GSE1: variants seen among roughly 807,000 people sequenced by gnomAD.
The protein encoded by GSE1 is Gse1 coiled-coil protein, also known as genetic suppressor element 1.
A neutral mutation model predicts 112.6 loss-of-function variants in GSE1; 32 were observed. The ratio of observed to expected loss-of-function variants is 0.28; its 90% CI spans 0.21 to 0.38. GSE1 has a LOEUF of 0.38. Ranked by LOEUF, GSE1 falls within the 10% of genes least tolerant of loss-of-function variation. The pLI is 1.00. For missense variants in GSE1, 2,348 were observed against 1,699.2 expected, an observed-to-expected ratio of 1.38 and a Z score of -6.71; for synonymous variants, 1,115 against 735.6, an observed-to-expected ratio of 1.52 and a Z score of -8.35.
chr16:85,270,593 GCTGTTGTATT>G (rs1908732528), intron 1 of GSE1, among the ~76,000 whole-genome samples: 1 of 148,858 alleles, frequency 6.7e-6, no homozygotes, highest in African/African-American at 2.4e-5. Context: ...AAGCTCTCGG[GCTGTTGTATT>G]TGTTGGATTG....
intron 2 of GSE1, among the ~76,000 whole-genome samples, chr16:85,473,513 C>G (rs1486227074): frequency 2.0e-5 from 3 of 152,200 alleles, no homozygotes; most frequent in East Asian, 3.9e-4. Flanking sequence ...CGAGAGAAGA[C>G]CCTCCCTGCC....
chr16:85,315,935 G>T (rs1276881590), intron 1 of GSE1, among the ~76,000 whole-genome samples: 1 of 152,146 alleles, frequency 6.6e-6, no homozygotes, highest in African/African-American at 2.4e-5. Context: ...TGGGAGGGGG[G>T]GTGAAGGTGG....
chr16:85,312,329 A>G (rs532516340), intron 1 of GSE1, among the ~76,000 whole-genome samples: 1 of 151,754 alleles, frequency 6.6e-6, no homozygotes, highest in African/African-American at 2.4e-5. Flanking sequence ...ACGGTTCTGC[A>G]GGCCAGGAGT....
At chr16:85,660,441 A>T (rs1019852615) in intron 8 of GSE1, among the ~76,000 whole-genome samples, 2 of 152,124 alleles carry the variant, frequency 1.3e-5, no homozygotes, top group African/African-American at 4.8e-5. Context: ...ATTCGAGAGC[A>T]GTCTGGCCAA....
At chr16:85,576,980 C>A (rs2046253209) in intron 1 of GSE1, among the ~76,000 whole-genome samples, 1 of 152,122 alleles carries the variant, frequency 6.6e-6, no homozygotes, top group South Asian at 2.1e-4. Context: ...CTTTAGGTGA[C>A]CCTGTCTTGA....
chr16:85,567,034 G>GCCCCCCCCCC, intron 1 of GSE1, among the ~76,000 whole-genome samples: 1 of 146,714 alleles, frequency 6.8e-6, no homozygotes, highest in South Asian at 2.2e-4. Flanking sequence ...TGTTACTCCC[G>GCCCCCCCCCC]CCCCCACCCC....
chr16:85,296,122 GA>G (rs2045359497), intron 1 of GSE1, among the ~76,000 whole-genome samples: 1 of 152,142 alleles, frequency 6.6e-6, no homozygotes, highest in Admixed American at 6.5e-5. Flanking sequence ...GCTGAGGGGG[GA>G]TGTGGGAGCG....
intron 1 of GSE1, among the ~76,000 whole-genome samples, chr16:85,206,717 C>A (rs957466248): frequency 6.6e-6 from 1 of 150,900 alleles, no homozygotes; most frequent in African/African-American, 2.4e-5. Flanking sequence ...AGGCCCCATT[C>A]ATTCACAATC....
At chr16:85,622,976 G>C (rs1452953062) in intron 1 of GSE1, among the ~76,000 whole-genome samples, 1 of 152,170 alleles carries the variant, frequency 6.6e-6, no homozygotes, top group Non-Finnish European at 1.5e-5. Context: ...ACCATAGGGA[G>C]GGGAGGGGTG....
Position 85,469,343 on chromosome 16 carries a change from G to A in GSE1, c.2464+111700G>A, listed in dbSNP as rs563679943. 3.8e-3 allele frequency among the ~76,000 whole-genome samples: 580 copies of A among 152,292 alleles called. 1 individual carries two copies. The highest frequency in any genetic ancestry group is 0.013 in the African/African-American group (545 of 41,556). ...AAAACACAGACACAGGGGCGGCCAC[G>A]TGAAGATGGAGGCAGAGATGGGAGT... On this transcript the variant is annotated intron_variant, in intron 2 of 2. Transcript: ENST00000637419.
intron 2 of GSE1, among the ~76,000 whole-genome samples, chr16:85,461,345 C>G (rs1434157919): frequency 6.6e-6 from 1 of 152,210 alleles, no homozygotes; most frequent in Admixed American, 6.5e-5. Context: ...TAACTATGCC[C>G]TGGGGGACAA....
upstream of GSE1, among the ~76,000 whole-genome samples, chr16:85,553,178 G>A (rs953964930): frequency 4.0e-5 from 6 of 151,558 alleles, no homozygotes; most frequent in Non-Finnish European, 8.8e-5. Context: ...GCAGCTCGCG[G>A]GTGATAAATG....
upstream of GSE1, among the ~76,000 whole-genome samples, chr16:85,552,327 CCTTT>C (rs1567581132): frequency 1.7e-5 from 1 of 59,504 alleles, no homozygotes; most frequent in Non-Finnish European, 3.9e-5. Context: ...ACCCGCCCCT[CCTTT>C]TTTTTTTTTT....
intron 1 of GSE1, among the ~76,000 whole-genome samples, chr16:85,331,531 A>G (rs1242262871): frequency 1.0e-5 from 1 of 96,222 alleles, no homozygotes; most frequent in Non-Finnish European, 2.1e-5. Flanking sequence ...ATATATGTGT[A>G]TATGTGTATA....
At chr16:85,355,266 T>C (rs1235966145) in intron 1 of GSE1, among the ~76,000 whole-genome samples, 3 of 152,048 alleles carry the variant, frequency 2.0e-5, no homozygotes, top group African/African-American at 7.3e-5. Context: ...AAGTTGCTTT[T>C]CCACAACCCT....
intron 2 of GSE1, among the ~76,000 whole-genome samples, chr16:85,447,163 G>C (rs939281229): frequency 6.6e-5 from 10 of 152,078 alleles, no homozygotes; most frequent in African/African-American, 1.7e-4. Flanking sequence ...GGCCATGCCG[G>C]GCCCACCTTG....
chr16:85,343,357 C>G (rs988584202), intron 1 of GSE1, among the ~76,000 whole-genome samples: 1 of 151,978 alleles, frequency 6.6e-6, no homozygotes, highest in African/African-American at 2.4e-5. Flanking sequence ...GTGGCGGGTA[C>G]TACAGTGAGC....
At chr16:85,176,837 T>C (rs2074476677) in intron 1 of GSE1, among the ~76,000 whole-genome samples, 1 of 152,230 alleles carries the variant, frequency 6.6e-6, no homozygotes, top group South Asian at 2.1e-4. Context: ...CACGTGCACA[T>C]CTGTTTCCCA....
chr16:85,655,553 C>T (rs1334357395), intron 5 of GSE1, among the ~76,000 whole-genome samples, 173 bp from the exon 6 acceptor site: 1 of 152,210 alleles, frequency 6.6e-6, no homozygotes, highest in Non-Finnish European at 1.5e-5. Flanking sequence ...CTAGCAGCCT[C>T]CGGCATCAAG....
Sources: gnomAD v4.1 joint callset for allele counts (sites outside exome capture counted in the v4.1 genomes callset) on GRCh38, gnomAD v4.1.1 for gene constraint, MANE v1.5 for transcripts, NCBI Gene and HGNC (gene_info 2026-07-23, HGNC 2026-07-21) for gene names.